AQP7B: variants seen among roughly 807,000 people sequenced by gnomAD.
The protein encoded by AQP7B is putative aquaporin-7B.
At chr2:94,593,480 CTTTTTTTTTTTTT>C in the AQP7B span, among the ~76,000 whole-genome samples, 2 of 113,956 alleles carry the variant, frequency 1.8e-5, no homozygotes. Flanking sequence ...TCCTCTTCCT[CTTTTTTTTTTTTT>C]TTTTTTTTTG....
the AQP7B span, chr2:94,602,964 G>T: frequency 4.1e-6 from 6 of 1,467,678 alleles, no homozygotes; most frequent in Non-Finnish European, 5.5e-6. Flanking sequence ...ACTAGCCATC[G>T]TTGTTCTCAT....
At chr2:94,588,293 G>T in the AQP7B span, among the ~76,000 whole-genome samples, 126 of 152,074 alleles carry the variant, frequency 8.3e-4, no homozygotes, top group African/African-American at 2.9e-3. Context: ...TGGGGTCCTG[G>T]GGCCAGCATG....
At chr2:94,602,734 G>C in the AQP7B span, 1 of 1,084,730 alleles carries the variant, frequency 9.2e-7, no homozygotes. Flanking sequence ...TGGCCACCGG[G>C]CAGGAGGAAG....
the AQP7B span, among the ~76,000 whole-genome samples, chr2:94,600,122 G>T: frequency 0.012 from 1,859 of 151,898 alleles, 126 homozygotes; most frequent in Admixed American, 0.11. Context: ...CATCCACCTC[G>T]GCCTCCCAAA....
the AQP7B span, among the ~76,000 whole-genome samples, chr2:94,591,129 C>T: frequency 6.6e-6 from 1 of 151,972 alleles, no homozygotes; most frequent in Non-Finnish European, 1.5e-5. Flanking sequence ...TGAGCTCTCT[C>T]ATCTATGCCC....
chr2:94,596,241 T>A, the AQP7B span, among the ~76,000 whole-genome samples: 1 of 152,210 alleles, frequency 6.6e-6, no homozygotes, highest in Non-Finnish European at 1.5e-5. Context: ...TGGGACAGTA[T>A]CCAGACTGCA....
At chr2:94,592,164 G>T in the AQP7B span, among the ~76,000 whole-genome samples, 6 of 152,112 alleles carry the variant, frequency 3.9e-5, no homozygotes, top group Non-Finnish European at 8.8e-5. Context: ...CTCCTCTTCT[G>T]TGGTTACCTC....
At chr2:94,598,455 G>A in the AQP7B span, among the ~76,000 whole-genome samples, 2 of 152,186 alleles carry the variant, frequency 1.3e-5, no homozygotes, top group African/African-American at 4.8e-5. Context: ...CCGGGCCCTG[G>A]AAAACCAGCC....
At chr2:94,590,124 T>C in the AQP7B span, among the ~76,000 whole-genome samples, 1 of 152,032 alleles carries the variant, frequency 6.6e-6, no homozygotes, top group Non-Finnish European at 1.5e-5. Context: ...GACCCAAGAG[T>C]GGAGAGTGGG....
chr2:94,603,596 T>C, the AQP7B span: 1 of 1,378,686 alleles, frequency 7.3e-7, no homozygotes, highest in East Asian at 2.4e-5. Context: ...ACAAGAACTC[T>C]GGATGGAGAC....
At chr2:94,593,408 C>G in the AQP7B span, among the ~76,000 whole-genome samples, 1 of 149,976 alleles carries the variant, frequency 6.7e-6, no homozygotes, top group African/African-American at 2.5e-5. Flanking sequence ...TGTCAGCTTC[C>G]GGGCATGCAG....
chr2:94,601,115 G>A, the AQP7B span, among the ~76,000 whole-genome samples: 14 of 152,326 alleles, frequency 9.2e-5, no homozygotes, highest in Middle Eastern at 6.8e-3. Context: ...CAGCGCAGTC[G>A]TTTGGTTTGA....
the AQP7B span, among the ~76,000 whole-genome samples, chr2:94,597,502 C>T: frequency 6.6e-6 from 1 of 152,148 alleles, no homozygotes; most frequent in African/African-American, 2.4e-5. Context: ...TATTATTATC[C>T]AAGTTTCACA....
At chr2:94,592,434 G>A in the AQP7B span, among the ~76,000 whole-genome samples, 3 of 152,166 alleles carry the variant, frequency 2.0e-5, no homozygotes, top group East Asian at 1.9e-4. Context: ...AGTAGATTGA[G>A]GGGGATGCAG....
the AQP7B span, among the ~76,000 whole-genome samples, chr2:94,601,390 G>A: frequency 3.9e-5 from 6 of 152,238 alleles, no homozygotes; most frequent in Non-Finnish European, 8.8e-5. Context: ...CACCAGGAGA[G>A]TTCCAATGGG....
chr2:94,599,277 C>T, the AQP7B span, among the ~76,000 whole-genome samples: 1 of 152,072 alleles, frequency 6.6e-6, no homozygotes, highest in African/African-American at 2.4e-5. Flanking sequence ...CTGTCCTCTC[C>T]TGCTGTATCT....
At chr2:94,598,145 G>A in the AQP7B span, among the ~76,000 whole-genome samples, 8 of 152,342 alleles carry the variant, frequency 5.3e-5, 1 homozygote, top group Admixed American at 3.9e-4. Context: ...TTTGTGAGGT[G>A]TAAGCCTATA....
the AQP7B span, among the ~76,000 whole-genome samples, chr2:94,592,054 T>A: frequency 1.3e-5 from 2 of 152,208 alleles, no homozygotes; most frequent in Non-Finnish European, 2.9e-5. Context: ...GGTGGTTATC[T>A]GTTGCTTACT....
chr2:94,595,053 G>A, the AQP7B span, among the ~76,000 whole-genome samples: 1 of 152,196 alleles, frequency 6.6e-6, no homozygotes, highest in East Asian at 1.9e-4. Flanking sequence ...GACAGAAAGG[G>A]CTCATAATAT....
Sources: gnomAD v4.1 joint callset for allele counts (sites outside exome capture counted in the v4.1 genomes callset) on GRCh38, gnomAD v4.1.1 for gene constraint, MANE v1.5 for transcripts, NCBI Gene and HGNC (gene_info 2026-07-23, HGNC 2026-07-21) for gene names.